MPC1: variants seen among roughly 807,000 people sequenced by gnomAD.
MPC1 encodes the protein mitochondrial pyruvate carrier 1, also known as HSPC040 protein.
A neutral mutation model predicts 13.9 loss-of-function variants in MPC1; 6 were observed. The observed-to-expected ratio is 0.43, with a 90% CI of 0.24 to 0.85. MPC1 has a LOEUF of 0.85. Ranked by LOEUF, MPC1 falls within the 40% of genes least tolerant of loss-of-function variation. The probability of loss-of-function intolerance (pLI) is 0.24; values close to 1 mark genes in which losing one functional copy is unlikely to be tolerated. For missense variants in MPC1, 115 were observed against 143.3 expected, an observed-to-expected ratio of 0.80 and a Z score of 1.01; for synonymous variants, 47 against 50.5, an observed-to-expected ratio of 0.93 and a Z score of 0.29.
chr6:166,369,128 G>C (rs1449834086), intron 2 of MPC1, among the ~76,000 whole-genome samples: 1 of 152,204 alleles, frequency 6.6e-6, no homozygotes, highest in Admixed American at 6.5e-5. Flanking sequence ...TATGGGCCGG[G>C]CATGGTGGCT....
At chr6:166,380,317 C>A (rs1779721355) in intron 1 of MPC1, among the ~76,000 whole-genome samples, 1 of 152,178 alleles carries the variant, frequency 6.6e-6, no homozygotes, top group Non-Finnish European at 1.5e-5. Context: ...CAAATAAAGT[C>A]TGCTGGGATC....
intron 2 of MPC1, chr6:166,369,989 C>T: frequency 1.5e-6 from 1 of 686,622 alleles, no homozygotes; most frequent in Non-Finnish European, 2.7e-6. Flanking sequence ...TAATTATATG[C>T]TTGTTTCTAA....
At chr6:166,369,886 A>T in intron 2 of MPC1, 2 of 445,342 alleles carry the variant, frequency 4.5e-6, no homozygotes, top group Non-Finnish European at 8.3e-6. Context: ...TACAGGAAAA[A>T]ATCATCCCAC....
At chr6:166,368,968 G>A (rs1779273274) in intron 2 of MPC1, 1 of 984,398 alleles carries the variant, frequency 1.0e-6, no homozygotes, top group Non-Finnish European at 1.2e-6. Context: ...TATTCTAAGA[G>A]GGGCATATAA....
intron 1 of MPC1, among the ~76,000 whole-genome samples, chr6:166,381,983 C>A (rs1779801982): frequency 6.6e-6 from 1 of 152,200 alleles, no homozygotes; most frequent in African/African-American, 2.4e-5. Flanking sequence ...GCGCTCTCAG[C>A]AGCGCCTCCC....
At chr6:166,367,106 C>A in intron 2 of MPC1, 1 of 1,391,508 alleles carries the variant, frequency 7.2e-7, no homozygotes, top group Non-Finnish European at 9.4e-7. Context: ...TACAGCTGAG[C>A]CCAGAGCTAG....
chr6:166,369,694 A>C (rs986658209), intron 2 of MPC1, among the ~76,000 whole-genome samples: 1 of 152,228 alleles, frequency 6.6e-6, no homozygotes, highest in Non-Finnish European at 1.5e-5. Context: ...GATATTCAGC[A>C]GTCAATTTTG....
intron 2 of MPC1, among the ~76,000 whole-genome samples, chr6:166,368,238 G>A (rs2114947618): frequency 6.6e-6 from 1 of 152,306 alleles, no homozygotes; most frequent in Middle Eastern, 3.4e-3. Context: ...TGGACAGCAA[G>A]GCTTTGGAGG....
rs751081220 is a variant in MPC1 at position 166,367,010 on chromosome 6, T to C, written c.76-119A>G. 4 of 1,554,702 alleles carry C rather than the reference T, an allele frequency of 2.6e-6. No individual in the cohort carries two copies. The Admixed American group carries it at 7.5e-5, about 29-fold the overall frequency. On this transcript the variant is annotated intron_variant, in intron 2 of 4. Coordinates refer to ENST00000360961, the MANE Select transcript of MPC1 (RefSeq NM_016098.4). ...AAACTCGTGAGAACAAATCTTCGTT[T>C]CCATCTTGCAGGTTTACTGGGTTAA... is the stretch of plus-strand genomic sequence containing the variant.
intron 2 of MPC1, among the ~76,000 whole-genome samples, chr6:166,369,730 T>A (rs759644335): frequency 1.3e-5 from 2 of 152,202 alleles, no homozygotes; most frequent in African/African-American, 2.4e-5. Context: ...TTTATTAAAA[T>A]TCAAAAAGAA....
At chr6:166,382,088 A>C (rs1273260261) in intron 1 of MPC1, among the ~76,000 whole-genome samples, 2 of 152,122 alleles carry the variant, frequency 1.3e-5, no homozygotes, top group Non-Finnish European at 2.9e-5. Context: ...TCTGGTAGAA[A>C]CCGGCCAGGA....
chr6:166,373,395 G>C (rs563195240), intron 1 of MPC1, among the ~76,000 whole-genome samples: 43 of 152,330 alleles, frequency 2.8e-4, no homozygotes, highest in Non-Finnish European at 4.9e-4. Flanking sequence ...AGCCTTTTCA[G>C]ACTGGCTTCT....
intron 2 of MPC1, 70 bp from the exon 3 acceptor site, chr6:166,366,961 T>G: frequency 6.2e-7 from 1 of 1,609,238 alleles, no homozygotes; most frequent in Non-Finnish European, 8.5e-7. Flanking sequence ...AGCTGAAATT[T>G]CCCTTACTTT....
At chr6:166,382,687 G>A (rs1414291365) in intron 1 of MPC1, 119 bp downstream of exon 1, 4 of 1,071,882 alleles carry the variant, frequency 3.7e-6, no homozygotes, top group Middle Eastern at 2.4e-4. Context: ...CCTGGGCCCC[G>A]GCCCACCCGC....
intron 1 of MPC1, chr6:166,381,778 ACCT>A (rs1237042566): frequency 1.0e-6 from 1 of 975,844 alleles, no homozygotes; most frequent in Non-Finnish European, 1.2e-6. Context: ...AAAAAGTATG[ACCT>A]TAGAGACACG....
In MPC1 at chr6:166,365,584, T is replaced by C. The variant is rs1779119878; in HGVS notation, c.306-131A>G. 1 of 730,026 alleles carries C rather than the reference T, an allele frequency of 1.4e-6. No homozygotes were observed. Among genetic ancestry groups the C allele is most frequent in the Non-Finnish European group, 2.1e-6 (1 of 481,052 alleles). 45.2% of individuals were successfully genotyped at this position (730,026 alleles called of 1,614,324 possible). ...AACTTACAACTTATAAAAACAATAA[T>C]ATAGGTTGGGTATCCCTCATCTGAA... On this transcript the variant is annotated intron_variant, in intron 4 of 4. Coordinates refer to ENST00000360961, the MANE Select transcript of MPC1 (RefSeq NM_016098.4). This position sits in a 1 kb window ranked among gnomAD's most constrained non-coding sequence, Gnocchi z 4.2.
chr6:166,365,917 C>T lies in MPC1; in HGVS notation c.305+57G>A, dbSNP rs2114940891. On this transcript the variant is annotated intron_variant, in intron 4 of 4. Transcript: ENST00000360961. The surrounding 1 kb of genome is among the most constrained non-coding windows in gnomAD (Gnocchi z 4.2). ...TCCCTCAGAAAAGATTTTAGTTTCA[C>T]TCTCCCCAATTCCTCAAATTCCTGA... The T allele has an allele frequency of 1.3e-6, 2 of 1,588,716 alleles. No individual in the cohort carries two copies.
chr6:166,381,825 A>G, intron 1 of MPC1: 2 of 983,974 alleles, frequency 2.0e-6, no homozygotes, highest in Non-Finnish European at 2.4e-6. Flanking sequence ...TTTCGTATAT[A>G]AAAACATCTT....
At chr6:166,381,257 A>C (rs1370121344) in intron 1 of MPC1, among the ~76,000 whole-genome samples, 2 of 152,238 alleles carry the variant, frequency 1.3e-5, no homozygotes, top group Non-Finnish European at 2.9e-5. Flanking sequence ...TAGTAGTTCT[A>C]TTTAAGCATA....
Sources: gnomAD v4.1 joint callset for allele counts (sites outside exome capture counted in the v4.1 genomes callset) on GRCh38, gnomAD v4.1.1 for gene constraint, Gnocchi (gnomAD v3.1) non-coding constraint, MANE v1.5 for transcripts, NCBI Gene and HGNC (gene_info 2026-07-23, HGNC 2026-07-21) for gene names.